Variants in SFMBT2 observed in about 807,000 individuals in gnomAD.
The protein encoded by SFMBT2 is Scm like with four mbt domains 2.
A neutral mutation model predicts 110.1 loss-of-function variants in SFMBT2; 38 were observed. The observed-to-expected ratio is 0.35, with a 90% CI of 0.27 to 0.45. The LOEUF is 0.45. SFMBT2 is among the 20% of genes least tolerant of loss of function. SFMBT2 has a pLI of 1.00. For missense variants in SFMBT2, 1,011 were observed against 1,094.9 expected (o/e 0.92, Z 1.08); for synonymous variants, 425 against 425.4 (o/e 1.00, Z 0.01).
intron 4 of SFMBT2, among the ~76,000 whole-genome samples, chr10:7,321,633 T>A (rs943452130): frequency 6.6e-6 from 1 of 152,214 alleles, no homozygotes; most frequent in Non-Finnish European, 1.5e-5. Flanking sequence ...CTTCTCCCTT[T>A]GAATTCTTTA....
At chr10:7,339,765 A>G (rs557447342) in intron 4 of SFMBT2, among the ~76,000 whole-genome samples, 24 of 152,302 alleles carry the variant, frequency 1.6e-4, no homozygotes, top group African/African-American at 5.8e-4. Context: ...ATCTCCTCCA[A>G]CTTACATGAA....
intron 7 of SFMBT2, among the ~76,000 whole-genome samples, chr10:7,258,408 A>T (rs1339722093): frequency 1.3e-5 from 2 of 152,200 alleles, no homozygotes; most frequent in African/African-American, 4.8e-5. Flanking sequence ...CAGTTTTTTT[A>T]AGCAACAAAA....
intron 16 of SFMBT2, among the ~76,000 whole-genome samples, chr10:7,177,886 G>A (rs1476135638): frequency 6.6e-6 from 1 of 151,802 alleles, no homozygotes; most frequent in Non-Finnish European, 1.5e-5. Flanking sequence ...AGAAGAAGAA[G>A]AAGTTGAAAA....
chr10:7,325,896 G>GT (rs1843369516), intron 4 of SFMBT2, among the ~76,000 whole-genome samples: 1 of 152,150 alleles, frequency 6.6e-6, no homozygotes, highest in Non-Finnish European at 1.5e-5. Flanking sequence ...GAATTGCATA[G>GT]TATGTAAATT....
chr10:7,225,717 C>G (rs971096241), intron 10 of SFMBT2, among the ~76,000 whole-genome samples: 1 of 152,052 alleles, frequency 6.6e-6, no homozygotes, highest in African/African-American at 2.4e-5. Flanking sequence ...GGGGCAAGGA[C>G]TATACTGCCA....
intron 8 of SFMBT2, chr10:7,246,309 T>G (rs1411739225): frequency 3.8e-6 from 1 of 263,434 alleles, no homozygotes; most frequent in Non-Finnish European, 5.9e-6. Context: ...CAACTATCAC[T>G]GGAAGTCTAT....
At chr10:7,384,374 T>TA (rs1054269546) in intron 1 of SFMBT2, among the ~76,000 whole-genome samples, 1 of 152,052 alleles carries the variant, frequency 6.6e-6, no homozygotes, top group African/African-American at 2.4e-5. Flanking sequence ...TGCCTAAATC[T>TA]AAGGCAGGTA....
chr10:7,189,422 G>A (rs2692796), intron 15 of SFMBT2, among the ~76,000 whole-genome samples: 72,391 of 151,786 alleles, frequency 0.48, 17,805 homozygotes, highest in Middle Eastern at 0.55. Context: ...TCCAGCTGCT[G>A]ACCCTGGGGA....
intron 15 of SFMBT2, among the ~76,000 whole-genome samples, chr10:7,194,542 G>A (rs1486327707): frequency 2.0e-5 from 3 of 152,086 alleles, no homozygotes; most frequent in African/African-American, 4.8e-5. Context: ...TAATAACACC[G>A]ATGGCCAGGA....
In SFMBT2 at chr10:7,172,679, A is replaced by G. The variant is rs1227297962; in HGVS notation, c.1985-18T>C. 6.2e-7 allele frequency: 1 copy of G among 1,606,310 alleles called. No individual in the cohort carries two copies. The highest frequency in any genetic ancestry group is 8.5e-7 in the Non-Finnish European group (1 of 1,175,330). ...GTAATAGGCTGTAGGAAGGAAGATG[A>G]GAAACTTTTGAAGGCTATACACACA... is the stretch of plus-strand genomic sequence containing the variant. On this transcript the variant is annotated intron_variant, in intron 17 of 20. Transcript: ENST00000397167. The surrounding 1 kb of genome is among the most constrained non-coding windows in gnomAD (Gnocchi z 4.6).
At chr10:7,192,342 C>T (rs758615865) in intron 15 of SFMBT2, among the ~76,000 whole-genome samples, 3 of 152,188 alleles carry the variant, frequency 2.0e-5, no homozygotes, top group Non-Finnish European at 4.4e-5. Context: ...GTCATTCCTA[C>T]TCCCTCAACA....
intron 1 of SFMBT2, among the ~76,000 whole-genome samples, chr10:7,393,432 A>T (rs1374401671): frequency 6.6e-6 from 1 of 152,046 alleles, no homozygotes; most frequent in Non-Finnish European, 1.5e-5. Flanking sequence ...CTGTTCACAT[A>T]CCCCTCTAGT....
chr10:7,333,855 C>CT (rs1843636782), intron 4 of SFMBT2, among the ~76,000 whole-genome samples: 1 of 151,164 alleles, frequency 6.6e-6, no homozygotes, highest in African/African-American at 2.4e-5. Flanking sequence ...TATCGTCTTT[C>CT]TTTAAGGCTC....
intron 4 of SFMBT2, among the ~76,000 whole-genome samples, chr10:7,323,048 A>C (rs1277797501): frequency 6.6e-6 from 1 of 152,260 alleles, no homozygotes; most frequent in Non-Finnish European, 1.5e-5. Flanking sequence ...TTGTGGAATA[A>C]GCAGAGAAAG....
intron 4 of SFMBT2, among the ~76,000 whole-genome samples, chr10:7,317,637 G>A (rs1306603808): frequency 4.0e-3 from 6 of 1,490 alleles, no homozygotes; most frequent in East Asian, 0.028. Context: ...ACAAAACTCC[G>A]TCTCAAAAAA....
In SFMBT2 at chr10:7,328,030, AAG is replaced by A. The variant is rs1310335930; in HGVS notation, c.436+39617_436+39618del. Among the ~76,000 whole-genome samples the A allele has an allele frequency of 8.5e-5, 13 of 152,328 alleles. No individual in the cohort carries two copies. The East Asian group carries it at 2.5e-3, about 29-fold the overall frequency. ...ATGGTGGGTGTATGTTTAAAGTTGT[AAG>A]AACTGCCAAACTGTTTTCCCAATTG... On this transcript the variant is annotated intron_variant, in intron 4 of 20. Transcript: ENST00000397167.
intron 9 of SFMBT2, chr10:7,228,270 C>A (rs17424620): frequency 0.015 from 5,217 of 354,166 alleles, 65 homozygotes; most frequent in Non-Finnish European, 0.017. Context: ...ACGCACTGTG[C>A]AGAGATAGAC....
intron 6 of SFMBT2, among the ~76,000 whole-genome samples, chr10:7,278,502 G>A (rs1407633493): frequency 6.6e-6 from 1 of 152,196 alleles, no homozygotes; most frequent in East Asian, 1.9e-4. Context: ...AGGATCAGGA[G>A]AGAAATTGCC....
At chr10:7,370,717 G>A (rs575578643) in intron 2 of SFMBT2, 2 of 423,994 alleles carry the variant, frequency 4.7e-6, no homozygotes, top group South Asian at 2.0e-4. Context: ...CCTGCAGGGA[G>A]GCTGGAGGAC....
Sources: allele counts gnomAD v4.1 joint callset (sites outside exome capture counted in the v4.1 genomes callset), GRCh38; gene constraint gnomAD v4.1.1; non-coding constraint Gnocchi (gnomAD v3.1); transcripts MANE v1.5; gene names NCBI Gene and HGNC (gene_info 2026-07-23, HGNC 2026-07-21).